Variants in GALNT17 observed in about 807,000 individuals in gnomAD.
GALNT17 encodes polypeptide N-acetylgalactosaminyltransferase 17.
GALNT17 carries 29 observed loss-of-function variants against 63.7 expected under a neutral mutation model. The observed-to-expected ratio is 0.46, with a 90% CI of 0.34 to 0.62. The LOEUF (loss-of-function observed/expected upper bound fraction) is 0.62. Ranked by LOEUF, GALNT17 falls within the 20% of genes least tolerant of loss-of-function variation. The probability of loss-of-function intolerance (pLI) is 0.01; values close to 1 mark genes in which losing one functional copy is unlikely to be tolerated. For synonymous variants in GALNT17, 305 were observed against 318.3 expected (o/e 0.96, Z 0.45); for missense variants, 603 against 799.6 (o/e 0.75, Z 2.97).
chr7:71,497,555 C>T (rs1325971620), intron 5 of GALNT17, among the ~76,000 whole-genome samples: 1 of 152,220 alleles, frequency 6.6e-6, no homozygotes, highest in Non-Finnish European at 1.5e-5. Context: ...AAGACCCTTT[C>T]TCCAAATACA....
intron 1 of GALNT17, among the ~76,000 whole-genome samples, chr7:71,306,743 A>G (rs1047710551): frequency 6.6e-6 from 1 of 152,178 alleles, no homozygotes; most frequent in Non-Finnish European, 1.5e-5. Context: ...GGTTGCTTCT[A>G]CCTACTGACT....
At chr7:71,407,446 G>A (rs1262467205) in intron 3 of GALNT17, among the ~76,000 whole-genome samples, 4 of 152,102 alleles carry the variant, frequency 2.6e-5, no homozygotes, top group African/African-American at 7.2e-5. Context: ...AAGGTCAAGG[G>A]TTTTAAATTC....
At chr7:71,269,409 G>A (rs1234387467) in intron 1 of GALNT17, among the ~76,000 whole-genome samples, 1 of 152,214 alleles carries the variant, frequency 6.6e-6, no homozygotes, top group African/African-American at 2.4e-5. Context: ...TGAGGCTGCA[G>A]TGAGCTATGA....
chr7:71,201,755 C>A (rs566351135), intron 1 of GALNT17, among the ~76,000 whole-genome samples: 35 of 152,064 alleles, frequency 2.3e-4, no homozygotes, highest in African/African-American at 7.2e-4. Context: ...CCTCACCCTT[C>A]CGAGTCGCTG....
rs1444015699 is a variant in GALNT17 at position 71,516,273 on chromosome 7, C to T, written c.963-55012C>T. On this transcript the variant is annotated intron_variant, in intron 5 of 10. Coordinates refer to ENST00000333538, the MANE Select transcript of GALNT17 (RefSeq NM_022479.3). Reference sequence around the variant, plus strand: ...AGGGAGGCAGTTTTTGCATGATTCACTTTCCAAGCTTAACTTTCCCCTTTG... The same window carrying T: ...AGGGAGGCAGTTTTTGCATGATTCATTTTCCAAGCTTAACTTTCCCCTTTG... Among the ~76,000 whole-genome samples the T allele has an allele frequency of 3.3e-5, 5 of 152,180 alleles. No individual in the cohort carries two copies. The East Asian group carries it at 9.6e-4, about 29-fold the overall frequency.
intron 1 of GALNT17, among the ~76,000 whole-genome samples, chr7:71,330,556 C>G (rs1363043304): frequency 6.6e-6 from 1 of 152,126 alleles, no homozygotes; most frequent in Non-Finnish European, 1.5e-5. Flanking sequence ...GGCCACCACA[C>G]TGGCTAATTT....
intron 6 of GALNT17, among the ~76,000 whole-genome samples, chr7:71,609,123 CCTGT>C (rs1261425547): frequency 2.0e-5 from 3 of 152,156 alleles, no homozygotes; most frequent in East Asian, 1.9e-4. Context: ...GCATGCTCTG[CCTGT>C]CTAAGTCTTC....
intron 1 of GALNT17, among the ~76,000 whole-genome samples, chr7:71,141,373 AAAAAAAAAAAGAAAAG>A (rs1248621703): frequency 6.8e-6 from 1 of 147,174 alleles, no homozygotes; most frequent in Admixed American, 6.8e-5. Context: ...AGACTGTCTC[AAAAAAAAAAAGAAAAG>A]AAAAAAAAAA....
In GALNT17 at chr7:71,366,102, T is replaced by A. The variant is rs139163325; in HGVS notation, c.423-22133T>A. On this transcript the variant is annotated intron_variant, in intron 2 of 10. Transcript: ENST00000333538. ...TCTTACGAGAATCTAATGCTGCTGC[T>A]GAGCTGACAGGAGGCAGATCTCAGG... Among the ~76,000 whole-genome samples the A allele has an allele frequency of 1.1e-3, 174 of 152,206 alleles. 2 individuals carry two copies. The highest frequency in any genetic ancestry group is 5.5e-3 in the Admixed American group (84 of 15,274).
chr7:71,359,766 T>A (rs1426503297), intron 2 of GALNT17, among the ~76,000 whole-genome samples: 2 of 152,074 alleles, frequency 1.3e-5, no homozygotes, highest in South Asian at 2.1e-4. Flanking sequence ...GTGCTTTTAG[T>A]AGAGATGGGG....
chr7:71,306,451 A>G (rs6460649), intron 1 of GALNT17, among the ~76,000 whole-genome samples: 37,021 of 151,022 alleles, frequency 0.25, 4,786 homozygotes, highest in East Asian at 0.46. Flanking sequence ...GAATTTGACT[A>G]CTCTACATAC....
chr7:71,236,206 T>A (rs10250099), intron 1 of GALNT17, among the ~76,000 whole-genome samples: 2,648 of 147,354 alleles, frequency 0.018, 78 homozygotes, highest in African/African-American at 0.063. Flanking sequence ...AAAAAAAAAA[T>A]AAAAATCTAC....
intron 5 of GALNT17, among the ~76,000 whole-genome samples, chr7:71,552,022 AT>A (rs909063105): frequency 1.5e-5 from 2 of 133,038 alleles, no homozygotes; most frequent in African/African-American, 6.1e-5. Context: ...TTATTTATTT[AT>A]TTATTTATTT....
At chr7:71,587,539 G>A (rs1445643364) in intron 6 of GALNT17, among the ~76,000 whole-genome samples, 1 of 151,950 alleles carries the variant, frequency 6.6e-6, no homozygotes, top group Non-Finnish European at 1.5e-5. Flanking sequence ...TATGTACTAT[G>A]TGAATATTTT....
At chr7:71,591,528 C>T (rs1469595797) in intron 6 of GALNT17, among the ~76,000 whole-genome samples, 1 of 152,194 alleles carries the variant, frequency 6.6e-6, no homozygotes, top group Non-Finnish European at 1.5e-5. Flanking sequence ...TCAGAGCTTC[C>T]ACAGGAAATT....
chr7:71,243,866 T>C (rs563375796), intron 1 of GALNT17, among the ~76,000 whole-genome samples: 1 of 152,228 alleles, frequency 6.6e-6, no homozygotes, highest in Non-Finnish European at 1.5e-5. Context: ...TCTATTGAAT[T>C]TGGCCATGAT....
At chr7:71,640,525 T>A (rs930635859) in intron 6 of GALNT17, among the ~76,000 whole-genome samples, 4 of 152,204 alleles carry the variant, frequency 2.6e-5, no homozygotes, top group Admixed American at 6.5e-5. Flanking sequence ...ATTTTTATAT[T>A]ACATTCTAGT....
chr7:71,341,498 T>C (rs894661714), intron 2 of GALNT17, among the ~76,000 whole-genome samples: 3 of 152,178 alleles, frequency 2.0e-5, no homozygotes, highest in Admixed American at 2.0e-4. Flanking sequence ...TCAAGAAATG[T>C]AAATTTAAAA....
chr7:71,672,027 C>CA (rs55777129), intron 8 of GALNT17, among the ~76,000 whole-genome samples: 1,502 of 104,782 alleles, frequency 0.014, 27 homozygotes, highest in East Asian at 0.097. Flanking sequence ...GACTCTGTCT[C>CA]AAAAAAAAAA....
Sources: gnomAD v4.1 joint callset for allele counts (sites outside exome capture counted in the v4.1 genomes callset) on GRCh38, gnomAD v4.1.1 for gene constraint, MANE v1.5 for transcripts, NCBI Gene and HGNC (gene_info 2026-07-23, HGNC 2026-07-21) for gene names.